The following POC1A variants were observed in gnomAD, a reference collection of about 807,000 sequenced individuals.
POC1A encodes POC1 centriolar protein homolog A.
A neutral mutation model predicts 47.8 loss-of-function variants in POC1A; 34 were observed. The observed-to-expected ratio is 0.71, with a 90% confidence interval of 0.54 to 0.95. The LOEUF is 0.95. POC1A is among the 40% of genes least tolerant of loss of function. The pLI is 0.00. For missense variants in POC1A, 466 were observed against 528.3 expected (o/e 0.88, Z 1.16); for synonymous variants, 177 against 207.6 (o/e 0.85, Z 1.27).
chr3:52,142,798 G>A (rs1362442741), intron 6 of POC1A, among the ~76,000 whole-genome samples: 1 of 152,156 alleles, frequency 6.6e-6, no homozygotes, highest in Non-Finnish European at 1.5e-5. Flanking sequence ...AGCCTCCAAA[G>A]AGATTCCACT....
At chr3:52,080,298 G>A (rs370238348) in intron 10 of POC1A, among the ~76,000 whole-genome samples, 67 of 152,244 alleles carry the variant, frequency 4.4e-4, no homozygotes, top group African/African-American at 1.6e-3. Flanking sequence ...CCAAAGGAGA[G>A]GCCTGCTGGT....
chr3:52,123,077 G>A (rs1577878060), intron 8 of POC1A, among the ~76,000 whole-genome samples: 1 of 152,202 alleles, frequency 6.6e-6, no homozygotes. Flanking sequence ...CTGCATCTGC[G>A]AGACTGGGAT....
intron 6 of POC1A, among the ~76,000 whole-genome samples, chr3:52,144,699 C>A (rs557489864): frequency 1.5e-3 from 228 of 152,320 alleles, no homozygotes; most frequent in Non-Finnish European, 2.6e-3. Flanking sequence ...AATGACCTGC[C>A]CAATATCACA....
At chr3:52,145,777 G>A in intron 6 of POC1A, 69 bp downstream of exon 6, 1 of 1,016,096 alleles carries the variant, frequency 9.8e-7, no homozygotes, top group Non-Finnish European at 1.5e-6. Flanking sequence ...TACAGCACAG[G>A]ACAACATCCA....
chr3:52,135,541 C>T (rs1248039974), intron 7 of POC1A, among the ~76,000 whole-genome samples: 2 of 152,180 alleles, frequency 1.3e-5, no homozygotes, highest in Non-Finnish European at 2.9e-5. Context: ...AGTGAGCTAC[C>T]ACACCTGGCC....
At chr3:52,117,479 G>A (rs563288474) in intron 9 of POC1A, among the ~76,000 whole-genome samples, 3 of 152,304 alleles carry the variant, frequency 2.0e-5, no homozygotes, top group South Asian at 2.1e-4. Context: ...CCTCACAGAC[G>A]TCTGGCCACT....
At chr3:52,080,797 G>C (rs1384482231) in intron 10 of POC1A, among the ~76,000 whole-genome samples, 1 of 152,174 alleles carries the variant, frequency 6.6e-6, no homozygotes, top group Non-Finnish European at 1.5e-5. Context: ...TCACTGCTGG[G>C]TGGCCCATCC....
chr3:52,146,137 A>G (rs1698356858), intron 5 of POC1A, among the ~76,000 whole-genome samples, 176 bp from the exon 6 acceptor site: 1 of 152,258 alleles, frequency 6.6e-6, no homozygotes, highest in South Asian at 2.1e-4. Flanking sequence ...AAGAAGAAGT[A>G]AAAGGTGAGA....
chr3:52,083,169 G>C (rs1415997912), intron 10 of POC1A, among the ~76,000 whole-genome samples: 4 of 152,156 alleles, frequency 2.6e-5, no homozygotes, highest in Non-Finnish European at 5.9e-5. Flanking sequence ...AGTTCAGAGA[G>C]GTCTCTGTAT....
chr3:52,134,221 A>G (rs1294869237), intron 7 of POC1A, among the ~76,000 whole-genome samples: 6 of 152,334 alleles, frequency 3.9e-5, no homozygotes, highest in Non-Finnish European at 5.9e-5. Flanking sequence ...CCAGGGAATG[A>G]AGGGGTTAAA....
In POC1A at chr3:52,089,732, T is replaced by C. The variant is rs1702583767; in HGVS notation, c.1125+6837A>G. ...ACCCTCCCAACAAATTCTGTCTGGG[T>C]GCACGTGGGAGGACCGATCCCCATG... On this transcript the variant is annotated intron_variant, in intron 10 of 10. Transcript: ENST00000296484. 2.0e-5 allele frequency among the ~76,000 whole-genome samples: 3 copies of C among 152,082 alleles called. No homozygotes were observed. The South Asian group carries it at 6.2e-4, about 31-fold the overall frequency.
chr3:52,149,934 G>A lies in POC1A; in HGVS notation c.157C>T (p.Arg53Cys), dbSNP rs979410004. ...TTGTGGCCAGTGAAGCGGTAGGCGCGTGACTGCGGCTTCATGTGCCAGACC... is the reference window on the plus strand; with the variant it reads ...TTGTGGCCAGTGAAGCGGTAGGCGCATGACTGCGGCTTCATGTGCCAGACC... ...LMVWHMKPQS[R>C]AYRFTGHKDA... The change falls in exon 3 of 11, where the codon CGC (arginine) becomes TGC (cysteine). Residue 53 changes from arginine (R) to cysteine (C), a missense_variant. Arg to Cys is a radical substitution (Grantham distance 180). Coordinates refer to ENST00000296484, the MANE Select transcript of POC1A (RefSeq NM_015426.5). The A allele has an allele frequency of 5.0e-6, 8 of 1,613,852 alleles. No homozygotes were observed. The highest frequency in any genetic ancestry group is 1.3e-5 in the African/African-American group (1 of 75,066).
intron 1 of POC1A, among the ~76,000 whole-genome samples, chr3:52,151,467 C>T (rs1229036567): frequency 2.0e-5 from 3 of 151,856 alleles, no homozygotes; most frequent in Non-Finnish European, 2.9e-5. Flanking sequence ...TTAAATTAGC[C>T]GGGCATGGTG....
chr3:52,131,947 A>G (rs1404886612), intron 7 of POC1A, among the ~76,000 whole-genome samples: 1 of 152,106 alleles, frequency 6.6e-6, no homozygotes, highest in Non-Finnish European at 1.5e-5. Flanking sequence ...TTTTCTAACA[A>G]ATGGACTGCC....
chr3:52,135,057 G>A (rs1047672609), intron 7 of POC1A, among the ~76,000 whole-genome samples: 1 of 152,210 alleles, frequency 6.6e-6, no homozygotes, highest in African/African-American at 2.4e-5. Flanking sequence ...GAGTGAGTGG[G>A]AGCCCATGAG....
At chr3:52,120,351 T>C (rs1703733451) in intron 9 of POC1A, among the ~76,000 whole-genome samples, 1 of 152,184 alleles carries the variant, frequency 6.6e-6, no homozygotes, top group African/African-American at 2.4e-5. Flanking sequence ...GTCCTGAAGG[T>C]TGACACCACA....
At chr3:52,106,863 T>TC (rs1354571514) in intron 9 of POC1A, among the ~76,000 whole-genome samples, 1 of 152,238 alleles carries the variant, frequency 6.6e-6, no homozygotes, top group African/African-American at 2.4e-5. Context: ...ATCTGCTGAC[T>TC]CCCCAGCCTC....
chr3:52,104,502 A>C (rs1340996280), intron 9 of POC1A, among the ~76,000 whole-genome samples: 1 of 152,232 alleles, frequency 6.6e-6, no homozygotes, highest in Non-Finnish European at 1.5e-5. Context: ...AAAACAAAAA[A>C]CATGTGGTTA....
chr3:52,124,508 TCAAA>T (rs1703921692), intron 8 of POC1A, among the ~76,000 whole-genome samples: 1 of 152,166 alleles, frequency 6.6e-6, no homozygotes, highest in Non-Finnish European at 1.5e-5. Context: ...TGCTGACCCC[TCAAA>T]CAGTGTCCAA....
Sources: gnomAD v4.1 joint callset for allele counts (sites outside exome capture counted in the v4.1 genomes callset) on GRCh38, gnomAD v4.1.1 for gene constraint, MANE v1.5 for transcripts, NCBI Gene and HGNC (gene_info 2026-07-23, HGNC 2026-07-21) for gene names.